Variants in MLIP observed in about 807,000 individuals in gnomAD.
The protein encoded by MLIP is muscular LMNA-interacting protein.
Under a neutral mutation model 84.8 loss-of-function variants are expected in MLIP, and 79 were observed. The ratio of observed to expected loss-of-function variants is 0.93; its 90% CI spans 0.78 to 1.12. The LOEUF is 1.12. Ranked by LOEUF, MLIP falls within the 50% of genes most tolerant of loss-of-function variation. MLIP has a pLI of 0.00. For missense variants in MLIP, 1,257 were observed against 1,160.6 expected, an observed-to-expected ratio of 1.08 and a Z score of -1.21; for synonymous variants, 504 against 463.0, an observed-to-expected ratio of 1.09 and a Z score of -1.14.
intron 3 of MLIP, among the ~76,000 whole-genome samples, chr6:54,130,622 G>A (rs1352401089): frequency 6.6e-6 from 1 of 152,128 alleles, no homozygotes; most frequent in Non-Finnish European, 1.5e-5. Flanking sequence ...CATATGATCT[G>A]CCTTTAAGGA....
At chr6:54,157,975 AAT>A (rs928315414) in intron 5 of MLIP, among the ~76,000 whole-genome samples, 1 of 152,178 alleles carries the variant, frequency 6.6e-6, no homozygotes, top group Admixed American at 6.6e-5. Flanking sequence ...ATTTCCAGAC[AAT>A]ATTTACCCTT....
At chr6:54,247,529 A>G (rs780206951) in intron 12 of MLIP, among the ~76,000 whole-genome samples, 12 of 152,124 alleles carry the variant, frequency 7.9e-5, no homozygotes, top group Non-Finnish European at 1.8e-4. Flanking sequence ...TGGAAGGAAA[A>G]CACTGGGTGT....
chr6:54,154,853 G>C (rs1269674290), intron 5 of MLIP, among the ~76,000 whole-genome samples: 1 of 152,086 alleles, frequency 6.6e-6, no homozygotes, highest in African/African-American at 2.4e-5. Context: ...TCAATTCCTT[G>C]AGCTACTGAA....
chr6:54,078,987 G>A (rs542952967), intron 1 of MLIP, among the ~76,000 whole-genome samples: 14 of 152,108 alleles, frequency 9.2e-5, no homozygotes, highest in African/African-American at 3.1e-4. Context: ...CACCGCGCCC[G>A]GCCCAAGAAA....
In MLIP at chr6:54,239,367, A is replaced by AAT. The variant is rs1433774923; in HGVS notation, c.2922+8464_2922+8465dup. Among the ~76,000 whole-genome samples the AAT allele has an allele frequency of 2.1e-3, 301 of 145,276 alleles. 4 individuals are homozygous for AAT. The highest frequency in any genetic ancestry group is 5.9e-3 in the African/African-American group (231 of 39,298). On this transcript the variant is annotated intron_variant, in intron 12 of 13. Coordinates refer to ENST00000502396, the MANE Select transcript of MLIP (RefSeq NM_001281747.2). ...CTGGGCCATTTAAACATATATATAT[A>AAT]ATATATATATATATAATATATATAT... is the stretch of plus-strand genomic sequence containing the variant.
At chr6:54,216,698 C>T in intron 11 of MLIP, 10 of 985,322 alleles carry the variant, frequency 1.0e-5, no homozygotes, top group Non-Finnish European at 1.2e-5. Flanking sequence ...AATCAGGATT[C>T]AAAATATATG....
At chr6:54,191,024 T>C (rs1463664064) in intron 10 of MLIP, among the ~76,000 whole-genome samples, 1 of 152,032 alleles carries the variant, frequency 6.6e-6, no homozygotes, top group African/African-American at 2.4e-5. Flanking sequence ...CTCGATCTCC[T>C]GACCTCGTGA....
chr6:54,144,640 T>C (rs1185030016), intron 4 of MLIP, among the ~76,000 whole-genome samples: 2 of 152,198 alleles, frequency 1.3e-5, no homozygotes, highest in African/African-American at 4.8e-5. Flanking sequence ...TAGGCAGTCA[T>C]ACACGCTCAC....
chr6:54,208,087 C>A (rs540978258), intron 11 of MLIP, among the ~76,000 whole-genome samples: 1 of 151,908 alleles, frequency 6.6e-6, no homozygotes, highest in East Asian at 1.9e-4. Context: ...GAGATCGTGC[C>A]ACTGCACTCC....
At chr6:54,112,266 A>G (rs1295930696) in intron 1 of MLIP, among the ~76,000 whole-genome samples, 1 of 152,208 alleles carries the variant, frequency 6.6e-6, no homozygotes, top group African/African-American at 2.4e-5. Context: ...AGTATGCAGT[A>G]AACAGCAAAT....
intron 11 of MLIP, among the ~76,000 whole-genome samples, chr6:54,211,328 A>G (rs1285033081): frequency 6.6e-6 from 1 of 152,234 alleles, no homozygotes; most frequent in Non-Finnish European, 1.5e-5. Context: ...CATTGGGTTA[A>G]GTTCAGAAAA....
At chr6:54,029,775 G>A (rs1400465475) in intron 1 of MLIP, among the ~76,000 whole-genome samples, 1 of 152,044 alleles carries the variant, frequency 6.6e-6, no homozygotes, top group Non-Finnish European at 1.5e-5. Context: ...TGTATAACGG[G>A]TTATAATCTT....
Position 54,135,608 on chromosome 6 carries a change from A to G in MLIP, c.646-1107A>G, listed in dbSNP as rs1265457954. Among the ~76,000 whole-genome samples, 5 of 152,090 alleles carry G rather than the reference A, an allele frequency of 3.3e-5. No homozygotes were observed. The East Asian group carries it at 7.7e-4, about 23-fold the overall frequency. ...TTATGTTTATATACATTTTCCTGCTATGTGCTTAATGAATATCTATATGTA... is the reference window on the plus strand; with the variant it reads ...TTATGTTTATATACATTTTCCTGCTGTGTGCTTAATGAATATCTATATGTA... On this transcript the variant is annotated intron_variant, in intron 3 of 13. Transcript: ENST00000502396.
intron 5 of MLIP, among the ~76,000 whole-genome samples, chr6:54,150,330 C>T (rs577214355): frequency 6.6e-6 from 1 of 152,286 alleles, no homozygotes; most frequent in East Asian, 1.9e-4. Flanking sequence ...CCCTTATTGT[C>T]TGTTAAAAGA....
intron 4 of MLIP, among the ~76,000 whole-genome samples, chr6:54,139,624 C>T (rs1772120406): frequency 6.6e-6 from 1 of 152,106 alleles, no homozygotes; most frequent in Non-Finnish European, 1.5e-5. Context: ...AAATGGATTA[C>T]ATCAGTTAAG....
chr6:54,156,257 CT>C (rs1774019737), intron 5 of MLIP, among the ~76,000 whole-genome samples: 2 of 151,992 alleles, frequency 1.3e-5, no homozygotes, highest in African/African-American at 4.8e-5. Flanking sequence ...AATTTCAAGA[CT>C]ATTTAAGTTC....
rs576346200 is a variant in MLIP at position 54,138,833 on chromosome 6, A to G, written c.2217+547A>G. Among the ~76,000 whole-genome samples, 27 of 152,336 alleles carry G rather than the reference A, an allele frequency of 1.8e-4. 1 individual carries two copies. In the South Asian group the frequency reaches 5.6e-3, roughly 32 times the overall value. On this transcript the variant is annotated intron_variant, in intron 4 of 13. Coordinates refer to ENST00000502396, the MANE Select transcript of MLIP (RefSeq NM_001281747.2). ...CTTCCCAACTATTCTCAAGTAATTC[A>G]GATTGTGGATCACCCATACCCAGAA...
chr6:54,040,327 A>G (rs1764671557), intron 1 of MLIP, among the ~76,000 whole-genome samples: 1 of 152,030 alleles, frequency 6.6e-6, no homozygotes, highest in Non-Finnish European at 1.5e-5. Context: ...AAATAAAACA[A>G]TGAAAGAGTA....
At chr6:54,129,797 C>G (rs1010522807) in intron 3 of MLIP, among the ~76,000 whole-genome samples, 1 of 152,142 alleles carries the variant, frequency 6.6e-6, no homozygotes, top group Non-Finnish European at 1.5e-5. Flanking sequence ...GAATGCAGAA[C>G]AGAGCCACCT....
Sources: gnomAD v4.1 joint callset for allele counts (sites outside exome capture counted in the v4.1 genomes callset) on GRCh38, gnomAD v4.1.1 for gene constraint, MANE v1.5 for transcripts, NCBI Gene and HGNC (gene_info 2026-07-23, HGNC 2026-07-21) for gene names.